CMTM8: variants seen among roughly 807,000 people sequenced by gnomAD.
CMTM8 encodes CKLF-like MARVEL transmembrane domain-containing protein 8.
Under a neutral mutation model 18.6 loss-of-function variants are expected in CMTM8, and 12 were observed. The ratio of observed to expected loss-of-function variants is 0.65; its 90% CI spans 0.41 to 1.05. The LOEUF is 1.05. CMTM8 is among the 50% of genes least tolerant of loss of function. The pLI is 0.00. For synonymous variants in CMTM8, 87 were observed against 90.6 expected, an observed-to-expected ratio of 0.96 and a Z score of 0.23; for missense variants, 217 against 227.2, an observed-to-expected ratio of 0.95 and a Z score of 0.29.
chr3:32,350,164 G>T (rs1188987701), intron 1 of CMTM8, among the ~76,000 whole-genome samples: 1 of 152,044 alleles, frequency 6.6e-6, no homozygotes, highest in African/African-American at 2.4e-5. Flanking sequence ...CTTTCAAACA[G>T]CTTCCCACCA....
At chr3:32,303,205 GGGAACT>G (rs1463818167) in intron 1 of CMTM8, among the ~76,000 whole-genome samples, 2 of 152,194 alleles carry the variant, frequency 1.3e-5, no homozygotes, top group Non-Finnish European at 2.9e-5. Context: ...ACTGCTTGCT[GGGAACT>G]GTAGGCCTTT....
intron 1 of CMTM8, among the ~76,000 whole-genome samples, chr3:32,344,595 G>T (rs1696559424): frequency 6.6e-6 from 1 of 152,074 alleles, no homozygotes; most frequent in South Asian, 2.1e-4. Flanking sequence ...TTGTCTTTCT[G>T]GATGATTTTA....
intron 1 of CMTM8, among the ~76,000 whole-genome samples, chr3:32,309,391 TC>T (rs1156847444): frequency 2.3e-5 from 3 of 132,220 alleles, no homozygotes; most frequent in Non-Finnish European, 3.1e-5. Flanking sequence ...CACTGCAACC[TC>T]CACCTCCCGG....
chr3:32,298,139 A>T (rs557693450), intron 1 of CMTM8, among the ~76,000 whole-genome samples: 1 of 151,118 alleles, frequency 6.6e-6, no homozygotes, highest in South Asian at 2.1e-4. Context: ...GCAGTGGCAC[A>T]ATCTGGGCTC....
intron 1 of CMTM8, among the ~76,000 whole-genome samples, chr3:32,339,856 G>A (rs577705753): frequency 5.9e-4 from 90 of 152,188 alleles, no homozygotes; most frequent in Middle Eastern, 3.4e-3. Flanking sequence ...CCAGCTACTC[G>A]GGAGGCTGAG....
intron 1 of CMTM8, among the ~76,000 whole-genome samples, chr3:32,299,481 A>T (rs548601761): frequency 1.6e-4 from 25 of 152,266 alleles, no homozygotes; most frequent in African/African-American, 5.3e-4. Flanking sequence ...AAGAAAAATA[A>T]TTTTTTAATT....
intron 1 of CMTM8, among the ~76,000 whole-genome samples, chr3:32,343,719 G>A (rs527704188): frequency 5.4e-5 from 8 of 147,576 alleles, no homozygotes; most frequent in East Asian, 2.1e-4. Context: ...TTTTTGAGAC[G>A]GAATCTCACC....
At chr3:32,245,841 C>T (rs554400359) in intron 1 of CMTM8, among the ~76,000 whole-genome samples, 1 of 152,174 alleles carries the variant, frequency 6.6e-6, no homozygotes, top group African/African-American at 2.4e-5. Flanking sequence ...GTTCTGTCCC[C>T]CAGGCTGGAG....
In CMTM8 at chr3:32,238,993, C is replaced by T. The variant is rs148622439; in HGVS notation, c.21C>T (p.Ala7=). Residue 7 remains alanine (A), a synonymous_variant, in exon 1 of 4, where the codon GCC becomes GCT. Coordinates refer to ENST00000307526, the MANE Select transcript of CMTM8 (RefSeq NM_178868.5). Reference sequence around the variant, plus strand: ...CGACGATGGAGGAGCCGCAGCGCGCCCGCTCGCACACAGTCACCACCACCG... The same window carrying T: ...CGACGATGGAGGAGCCGCAGCGCGCTCGCTCGCACACAGTCACCACCACCG... The part of the protein sequence containing the change: MEEPQR[A]RSHTVTTTAS... The T allele has an allele frequency of 1.3e-6, 2 of 1,552,012 alleles. No homozygotes were observed. Among genetic ancestry groups the T allele is most frequent in the Non-Finnish European group, 1.7e-6 (2 of 1,148,408 alleles).
At chr3:32,353,508 T>A (rs1478973499) in intron 1 of CMTM8, among the ~76,000 whole-genome samples, 2 of 152,222 alleles carry the variant, frequency 1.3e-5, no homozygotes. Context: ...TATGGAAGAC[T>A]GAGCAACTGT....
At chr3:32,355,041 T>C (rs1490106226) in intron 1 of CMTM8, among the ~76,000 whole-genome samples, 2 of 152,184 alleles carry the variant, frequency 1.3e-5, no homozygotes, top group Non-Finnish European at 2.9e-5. Flanking sequence ...GATGCTCAAC[T>C]CTAAAGAGCA....
intron 1 of CMTM8, among the ~76,000 whole-genome samples, chr3:32,294,423 C>T (rs1702839412): frequency 6.6e-6 from 1 of 152,212 alleles, no homozygotes. Context: ...CTCCACGTTC[C>T]CTCTGGCTTA....
intron 1 of CMTM8, among the ~76,000 whole-genome samples, chr3:32,319,309 C>T (rs1437915598): frequency 6.6e-6 from 1 of 151,234 alleles, no homozygotes; most frequent in Non-Finnish European, 1.5e-5. Context: ...GAACTCCTGA[C>T]CTCAGGTGAT....
intron 1 of CMTM8, among the ~76,000 whole-genome samples, chr3:32,313,995 G>GA (rs1246290087): frequency 6.6e-6 from 1 of 151,954 alleles, no homozygotes; most frequent in African/African-American, 2.4e-5. Flanking sequence ...CCCTGTCTCA[G>GA]AAAAAAAGAT....
At chr3:32,360,274 T>C (rs748707850) in intron 2 of CMTM8, among the ~76,000 whole-genome samples, 20 of 152,250 alleles carry the variant, frequency 1.3e-4, no homozygotes, top group Admixed American at 9.2e-4. Flanking sequence ...AAATTTTCTA[T>C]TTGTTTTCTA....
At chr3:32,267,770 A>T (rs1405781176) in intron 1 of CMTM8, among the ~76,000 whole-genome samples, 34 of 152,174 alleles carry the variant, frequency 2.2e-4, no homozygotes, top group Non-Finnish European at 7.4e-5. Context: ...AAACAACCCC[A>T]TCAAAAAGTG....
At chr3:32,335,142 G>A (rs752464113) in intron 1 of CMTM8, among the ~76,000 whole-genome samples, 45 of 152,176 alleles carry the variant, frequency 3.0e-4, no homozygotes, top group Non-Finnish European at 5.9e-4. Context: ...ACTCTGTCCT[G>A]CCAGGCTCTT....
intron 1 of CMTM8, among the ~76,000 whole-genome samples, chr3:32,286,976 G>T (rs957927282): frequency 6.6e-6 from 1 of 152,194 alleles, no homozygotes; most frequent in African/African-American, 2.4e-5. Context: ...CTCTGAGCGT[G>T]GGCAGATCTC....
chr3:32,355,296 G>A (rs565457112), intron 1 of CMTM8, among the ~76,000 whole-genome samples: 8 of 152,252 alleles, frequency 5.3e-5, no homozygotes, highest in Non-Finnish European at 1.2e-4. Flanking sequence ...TTCAACTCAT[G>A]AACAACACTC....
Sources: allele counts gnomAD v4.1 joint callset (sites outside exome capture counted in the v4.1 genomes callset), GRCh38; gene constraint gnomAD v4.1.1; transcripts MANE v1.5; gene names NCBI Gene and HGNC (gene_info 2026-07-23, HGNC 2026-07-21).